Variants in TP53INP2 observed in about 807,000 individuals in gnomAD.
TP53INP2 encodes the protein tumor protein p53 inducible nuclear protein 2, also known as tumor protein p53-inducible nuclear protein 2.
In TP53INP2, 12 loss-of-function variants were observed where a neutral mutation model predicts 17.1. The ratio of observed to expected loss-of-function variants is 0.70; its 90% CI spans 0.45 to 1.14. TP53INP2 has a LOEUF of 1.14. Among genes scored for constraint, TP53INP2 ranks in the 50% most tolerant of loss-of-function variants. TP53INP2 has a pLI of 0.00. For synonymous variants in TP53INP2, 145 were observed against 147.3 expected, an observed-to-expected ratio of 0.98 and a Z score of 0.12; for missense variants, 342 against 330.9, an observed-to-expected ratio of 1.03 and a Z score of -0.26.
In TP53INP2 at chr20:34,709,628, G is replaced by T; in HGVS notation, c.413+104G>T. Reference sequence around the variant, plus strand: ...TAGTGGGGCCAGGAGCCCGCCCCGCGCTCGAGGGGGTAGCGGCCTTGGGAG... The same window carrying T: ...TAGTGGGGCCAGGAGCCCGCCCCGCTCTCGAGGGGGTAGCGGCCTTGGGAG... On this transcript the variant is annotated intron_variant, in intron 4 of 4. Transcript: ENST00000374810. This position sits in a 1 kb window ranked among gnomAD's most constrained non-coding sequence, Gnocchi z 5.4. 1 of 1,449,518 alleles carries T rather than the reference G, an allele frequency of 6.9e-7. No individual in the cohort carries two copies. 89.8% of individuals were successfully genotyped at this position (1,449,518 alleles called of 1,614,324 possible). A position where few individuals can be genotyped will look rare whatever the true frequency, so the allele number is the denominator to read the frequency against.
In TP53INP2 at chr20:34,713,393, AAATT is replaced by A. The variant is rs1177181983; in HGVS notation, c.*3090_*3093del. 11 of 152,650 alleles carry A rather than the reference AAATT, an allele frequency of 7.2e-5. No homozygotes were observed. Among genetic ancestry groups the A allele is most frequent in the Non-Finnish European group, 1.5e-5 (1 of 68,046 alleles). The allele number at this position is 152,650 out of a possible 1,614,324, so 9.5% of individuals were successfully genotyped here. A position where few individuals can be genotyped will look rare whatever the true frequency, so the allele number is the denominator to read the frequency against. On this transcript the variant is annotated 3_prime_UTR_variant, in exon 5 of 5. Coordinates refer to ENST00000374810, the MANE Select transcript of TP53INP2 (RefSeq NM_021202.3). ...AATGCTATTCCTCTATGGGAGAAAA[AAATT>A]AATATAAAGAAAAACAAATAAAAAT...
At chr20:34,706,057 G>A (rs1987999882) in intron 2 of TP53INP2, among the ~76,000 whole-genome samples, 1 of 152,160 alleles carries the variant, frequency 6.6e-6, no homozygotes, top group Non-Finnish European at 1.5e-5. Context: ...ATTTGGGGAG[G>A]CACAGTGCAG....
chr20:34,709,310 A>C lies in TP53INP2; in HGVS notation c.199A>C (p.Met67Leu). 1.9e-6 allele frequency: 3 copies of C among 1,612,624 alleles called. No homozygotes were observed. Among genetic ancestry groups the C allele is most frequent in the Non-Finnish European group, 2.5e-6 (3 of 1,179,536 alleles). The change falls in exon 4 of 5, where the codon ATG becomes CTG. Residue 67 changes from methionine (M) to leucine (L), a missense_variant. Transcript: ENST00000374810. The surrounding 1 kb of genome is among the most constrained non-coding windows in gnomAD (Gnocchi z 5.4). ...AGRPPPAPSLMDESWFVTPPA... is the reference protein window; with the variant it reads ...AGRPPPAPSLLDESWFVTPPA... ...CCGCCCTCCGCCCGCGCCCTCCTTG[A>C]TGGACGAGAGCTGGTTTGTTACCCC... is the stretch of plus-strand genomic sequence containing the variant.
chr20:34,707,011 A>T (rs982701398), intron 2 of TP53INP2, among the ~76,000 whole-genome samples: 1 of 152,020 alleles, frequency 6.6e-6, no homozygotes, highest in Non-Finnish European at 1.5e-5. Context: ...GAGGGGGTAG[A>T]TCTAGAGCTA....
Position 34,709,142 on chromosome 20 carries a change from C to T in TP53INP2, c.125-94C>T. ...GGGTCTGACTAACGATGCCCTTTCT[C>T]TCCCCGCCCCCTTGTCCGGTGTGTG... is the stretch of plus-strand genomic sequence containing the variant. On this transcript the variant is annotated intron_variant, in intron 3 of 4. Coordinates refer to ENST00000374810, the MANE Select transcript of TP53INP2 (RefSeq NM_021202.3). This position sits in a 1 kb window ranked among gnomAD's most constrained non-coding sequence, Gnocchi z 5.4. The T allele has an allele frequency of 4.8e-6, 7 of 1,449,334 alleles. No individual in the cohort carries two copies. The highest frequency in any genetic ancestry group is 1.4e-5 in the South Asian group (1 of 69,558). 89.8% of individuals were successfully genotyped at this position (1,449,334 alleles called of 1,614,324 possible).
In TP53INP2 at chr20:34,709,546, C is replaced by G; in HGVS notation, c.413+22C>G. On this transcript the variant is annotated intron_variant, in intron 4 of 4. Transcript: ENST00000374810. The surrounding 1 kb of genome is among the most constrained non-coding windows in gnomAD (Gnocchi z 5.4). ...AAGGGTGAGCGGGCCGGGGGCGGAG[C>G]CTGGAGGCCCAGGGAGACGGATCTT... The G allele has an allele frequency of 6.3e-7, 1 of 1,594,574 alleles. No individual in the cohort carries two copies. Among genetic ancestry groups the G allele is most frequent in the African/African-American group, 1.3e-5 (1 of 74,730 alleles).
chr20:34,709,425 G>C lies in TP53INP2; in HGVS notation c.314G>C (p.Ser105Thr). Reference protein sequence around the residue: ...PLEDLLIEHPSMSVYVTGSTI... With the variant: ...PLEDLLIEHPTMSVYVTGSTI... ...GAGGACCTCCTCATCGAGCACCCCA[G>C]CATGTCCGTTTACGTCACCGGCAGC... Residue 105 changes from serine to threonine, a missense_variant, in exon 4 of 5, where the codon AGC becomes ACC. Ser to Thr is a moderately conservative substitution (Grantham distance 58). Transcript: ENST00000374810. This position sits in a 1 kb window ranked among gnomAD's most constrained non-coding sequence, Gnocchi z 5.4. 1 of 1,613,876 alleles carries C rather than the reference G, an allele frequency of 6.2e-7. No homozygotes were observed. The highest frequency in any genetic ancestry group is 8.5e-7 in the Non-Finnish European group (1 of 1,179,866).
In TP53INP2 at chr20:34,705,603, G is replaced by A. The variant is rs140433882; in HGVS notation, c.-50+129G>A. On this transcript the variant is annotated intron_variant, in intron 2 of 4. Coordinates refer to ENST00000374810, the MANE Select transcript of TP53INP2 (RefSeq NM_021202.3). The stretch of plus-strand genomic sequence containing the variant: ...CGTCAGCTAGGAAGGGCCTGACCTG[G>A]CCTAGTGCAGACAATTGCAGGTGTT... 153 of 152,390 alleles carry A rather than the reference G, an allele frequency of 1.0e-3. 1 individual carries two copies. Among genetic ancestry groups the A allele is most frequent in the Non-Finnish European group, 1.5e-3 (105 of 68,140 alleles). The allele number at this position is 152,390 out of a possible 1,614,324, so 9.4% of individuals were successfully genotyped here.
Position 34,710,498 on chromosome 20 carries a change from A to C in TP53INP2, c.*191A>C. 1 of 544,292 alleles carries C rather than the reference A, an allele frequency of 1.8e-6. No individual in the cohort carries two copies. The highest frequency in any genetic ancestry group is 2.8e-6 in the Non-Finnish European group (1 of 361,318). 33.7% of individuals were successfully genotyped at this position (544,292 alleles called of 1,614,324 possible). On this transcript the variant is annotated 3_prime_UTR_variant, in exon 5 of 5. Transcript: ENST00000374810. The surrounding 1 kb of genome is among the most constrained non-coding windows in gnomAD (Gnocchi z 4.9). ...CTGCCTCTGAACCCATTCACCCTTC[A>C]CCCTCACTCCTGGTCCCCATACCCA... is the stretch of plus-strand genomic sequence containing the variant.
Position 34,709,486 on chromosome 20 carries a change from C to T in TP53INP2, c.375C>T (p.Leu125=), listed in dbSNP as rs1988106656. ...TAGAGCCCGGGTCCCCTTCCCCGCTCCCGGACGCGGCCCTGCCTGACGGCG... is the reference window on the plus strand; with the variant it reads ...TAGAGCCCGGGTCCCCTTCCCCGCTTCCGGACGCGGCCCTGCCTGACGGCG... ...IVLEPGSPSP[L]PDAALPDGDL... is the part of the protein sequence containing the mutation. The change falls in exon 4 of 5, where the codon CTC becomes CTT. Residue 125 remains leucine (L), a synonymous_variant. Coordinates refer to ENST00000374810, the MANE Select transcript of TP53INP2 (RefSeq NM_021202.3). The surrounding 1 kb of genome is among the most constrained non-coding windows in gnomAD (Gnocchi z 5.4). 6.2e-7 allele frequency: 1 copy of T among 1,611,952 alleles called. No homozygotes were observed. Among genetic ancestry groups the T allele is most frequent in the South Asian group, 1.1e-5 (1 of 91,076 alleles).
At position 34,713,101 on chromosome 20, in the gene TP53INP2, C is replaced by G. The variant is rs921998194; in HGVS notation, c.*2794C>G. ...CCCCACCAGAGCTCTTGGATACCCC[C>G]CTAGATCCATGTGGCTTTATGTGAG... is the stretch of plus-strand genomic sequence containing the variant. On this transcript the variant is annotated 3_prime_UTR_variant, in exon 5 of 5. Coordinates refer to ENST00000374810, the MANE Select transcript of TP53INP2 (RefSeq NM_021202.3). 1 of 152,556 alleles carries G rather than the reference C, an allele frequency of 6.6e-6. No individual in the cohort carries two copies. The highest frequency in any genetic ancestry group is 1.5e-5 in the Non-Finnish European group (1 of 68,096). 9.5% of individuals were successfully genotyped at this position (152,556 alleles called of 1,614,324 possible). A position where few individuals can be genotyped will look rare whatever the true frequency, so the allele number is the denominator to read the frequency against.
Position 34,709,215 on chromosome 20 carries a change from C to G in TP53INP2, c.125-21C>G. On this transcript the variant is annotated intron_variant, in intron 3 of 4. Coordinates refer to ENST00000374810, the MANE Select transcript of TP53INP2 (RefSeq NM_021202.3). The surrounding 1 kb of genome is among the most constrained non-coding windows in gnomAD (Gnocchi z 5.4). ...CTCGCTGCTCCCCTCCTCTGCACGGCTCCCATCCCGCGCCCCGTAGACAGC... is the reference window on the plus strand; with the variant it reads ...CTCGCTGCTCCCCTCCTCTGCACGGGTCCCATCCCGCGCCCCGTAGACAGC... 1 of 1,538,292 alleles carries G rather than the reference C, an allele frequency of 6.5e-7. No individual in the cohort carries two copies. The highest frequency in any genetic ancestry group is 1.2e-5 in the South Asian group (1 of 82,452).
chr20:34,708,580 TG>T (rs1445617967), intron 2 of TP53INP2, 110 bp from the exon 3 acceptor site: 6 of 600,418 alleles, frequency 1.0e-5, no homozygotes, highest in African/African-American at 5.7e-5. Context: ...ACATCCCCGT[TG>T]TGTGTACCCT....
chr20:34,711,728 G>A lies in TP53INP2; in HGVS notation c.*1421G>A, dbSNP rs1988204065. 6.5e-6 allele frequency: 1 copy of A among 152,674 alleles called. No individual in the cohort carries two copies. The highest frequency in any genetic ancestry group is 1.5e-5 in the Non-Finnish European group (1 of 68,068). The allele number at this position is 152,674 out of a possible 1,614,324, so 9.5% of individuals were successfully genotyped here. A position where few individuals can be genotyped will look rare whatever the true frequency, so the allele number is the denominator to read the frequency against. On this transcript the variant is annotated 3_prime_UTR_variant, in exon 5 of 5. Coordinates refer to ENST00000374810, the MANE Select transcript of TP53INP2 (RefSeq NM_021202.3). The surrounding 1 kb of genome is among the most constrained non-coding windows in gnomAD (Gnocchi z 4.1). ...GCCACCAGCCTCCCCTTCTTGTGGT[G>A]AGACTGAATTTTGGGCTCAGACACC...
At chr20:34,705,037 A>T (rs574670628) in intron 1 of TP53INP2, among the ~76,000 whole-genome samples, 47 of 152,306 alleles carry the variant, frequency 3.1e-4, no homozygotes, top group African/African-American at 8.4e-4. Context: ...CTAACAGAAT[A>T]ACATCCTCCT....
At position 34,704,391 on chromosome 20, in the gene TP53INP2, G is replaced by C. The variant is rs1312454335; in HGVS notation, c.-288G>C. On this transcript the variant is annotated 5_prime_UTR_variant, in exon 1 of 5. Transcript: ENST00000374810. ...GCGAGCTCAGCAGCCCGGAGCGACC[G>C]CGGCCCCGCCGCCTCCCCCGCGAGT... The C allele has an allele frequency of 6.6e-6, 1 of 152,050 alleles. No individual in the cohort carries two copies. Among genetic ancestry groups the C allele is most frequent in the African/African-American group, 2.4e-5 (1 of 41,410 alleles). The allele number at this position is 152,050 out of a possible 1,614,324, so 9.4% of individuals were successfully genotyped here.
In TP53INP2 at chr20:34,710,076, C is replaced by A; in HGVS notation, c.432C>A (p.Arg144=). 1 of 1,268,012 alleles carries A rather than the reference C, an allele frequency of 7.9e-7. No individual in the cohort carries two copies. The highest frequency in any genetic ancestry group is 9.9e-7 in the Non-Finnish European group (1 of 1,012,230). 78.5% of individuals were successfully genotyped at this position (1,268,012 alleles called of 1,614,324 possible). The change falls in exon 5 of 5, where the codon CGC becomes CGA. Residue 144 remains arginine, a synonymous_variant. Coordinates refer to ENST00000374810, the MANE Select transcript of TP53INP2 (RefSeq NM_021202.3). This position sits in a 1 kb window ranked among gnomAD's most constrained non-coding sequence, Gnocchi z 4.9. ...CTCACAGGGAATTGACGCCCGCCCG[C>A]CGCGAGCCGCGGGCCGCGCGCCACG... ...DLSEGELTPA[R]REPRAARHAA... is the part of the protein sequence containing the mutation.
At position 34,710,346 on chromosome 20, in the gene TP53INP2, G is replaced by A; in HGVS notation, c.*39G>A. 1 of 1,303,570 alleles carries A rather than the reference G, an allele frequency of 7.7e-7. No individual in the cohort carries two copies. Among genetic ancestry groups the A allele is most frequent in the Admixed American group, 3.4e-5 (1 of 29,088 alleles). 80.8% of individuals were successfully genotyped at this position (1,303,570 alleles called of 1,614,324 possible). A position where few individuals can be genotyped will look rare whatever the true frequency, so the allele number is the denominator to read the frequency against. On this transcript the variant is annotated 3_prime_UTR_variant, in exon 5 of 5. Coordinates refer to ENST00000374810, the MANE Select transcript of TP53INP2 (RefSeq NM_021202.3). The surrounding 1 kb of genome is among the most constrained non-coding windows in gnomAD (Gnocchi z 4.9). ...GCGCCACGAACCCCTTGCCGATCCC[G>A]ATCCCTGTCGGGCTCCTCCGACTCC...
chr20:34,709,207 C>G lies in TP53INP2; in HGVS notation c.125-29C>G, dbSNP rs766903280. 53 of 1,530,762 alleles carry G rather than the reference C, an allele frequency of 3.5e-5. No individual in the cohort carries two copies. Among genetic ancestry groups the G allele is most frequent in the Non-Finnish European group, 4.3e-5 (49 of 1,138,590 alleles). The allele number at this position is 1,530,762 out of a possible 1,614,324, so 94.8% of individuals were successfully genotyped here. ...TGTGCCTCCTCGCTGCTCCCCTCCTCTGCACGGCTCCCATCCCGCGCCCCG... is the reference window on the plus strand; with the variant it reads ...TGTGCCTCCTCGCTGCTCCCCTCCTGTGCACGGCTCCCATCCCGCGCCCCG... On this transcript the variant is annotated intron_variant, in intron 3 of 4. Transcript: ENST00000374810. The surrounding 1 kb of genome is among the most constrained non-coding windows in gnomAD (Gnocchi z 5.4).
Sources: allele counts gnomAD v4.1 joint callset (sites outside exome capture counted in the v4.1 genomes callset), GRCh38; gene constraint gnomAD v4.1.1; non-coding constraint Gnocchi (gnomAD v3.1); transcripts MANE v1.5; gene names NCBI Gene and HGNC (gene_info 2026-07-23, HGNC 2026-07-21).